The following MARK1 variants were observed in gnomAD, a reference collection of about 807,000 sequenced individuals.
The protein encoded by MARK1 is serine/threonine-protein kinase MARK1.
Under a neutral mutation model 96.3 loss-of-function variants are expected in MARK1, and 40 were observed. That is an observed-to-expected ratio of 0.42 (90% confidence interval 0.32 to 0.54). The LOEUF (loss-of-function observed/expected upper bound fraction) is 0.54. Among genes scored for constraint, MARK1 ranks in the 20% least tolerant of loss-of-function variants. The probability of loss-of-function intolerance (pLI) is 0.16; values close to 1 mark genes in which losing one functional copy is unlikely to be tolerated. For missense variants in MARK1, 719 were observed against 984.6 expected (o/e 0.73, Z 3.61); for synonymous variants, 317 against 341.2 (o/e 0.93, Z 0.78).
At chr1:220,661,738 T>C (rs190192269) in intron 17 of MARK1, 74 bp from the exon 18 acceptor site, 6 of 1,150,956 alleles carry the variant, frequency 5.2e-6, no homozygotes, top group Non-Finnish European at 3.7e-6. Context: ...ACCACTTAGA[T>C]TTTATGTGTG....
chr1:220,579,626 GC>G, intron 2 of MARK1, 69 bp downstream of exon 2: 1 of 1,277,814 alleles, frequency 7.8e-7, no homozygotes, highest in Non-Finnish European at 1.1e-6. Context: ...CTTCCTTATA[GC>G]CCATGTTTGG....
At chr1:220,657,621 T>C (rs1316404601) in intron 16 of MARK1, among the ~76,000 whole-genome samples, 169 bp from the exon 17 acceptor site, 2 of 152,190 alleles carry the variant, frequency 1.3e-5, no homozygotes, top group Non-Finnish European at 2.9e-5. Flanking sequence ...ATAAATTACA[T>C]GCGGTTATGG....
chr1:220,583,880 A>T (rs1030862791), intron 3 of MARK1, among the ~76,000 whole-genome samples: 6 of 131,438 alleles, frequency 4.6e-5, no homozygotes, highest in Admixed American at 2.8e-4. Flanking sequence ...GTTGGCCAGG[A>T]TGGTCTCGAT....
chr1:220,608,441 C>T (rs995772372), intron 6 of MARK1, among the ~76,000 whole-genome samples: 3 of 152,080 alleles, frequency 2.0e-5, no homozygotes, highest in African/African-American at 7.2e-5. Flanking sequence ...TGATTCTTCT[C>T]TCTTTTCTTC....
chr1:220,562,997 T>C (rs1662777180), intron 1 of MARK1, among the ~76,000 whole-genome samples: 1 of 152,178 alleles, frequency 6.6e-6, no homozygotes, highest in South Asian at 2.1e-4. Context: ...GTCCTCTTCC[T>C]GCATTTAAGT....
At chr1:220,534,840 A>G (rs2102692293) in intron 1 of MARK1, among the ~76,000 whole-genome samples, 1 of 152,262 alleles carries the variant, frequency 6.6e-6, no homozygotes, top group East Asian at 1.9e-4. Context: ...TCCATGTTAT[A>G]GCATATGACA....
In MARK1 at chr1:220,599,100, T is replaced by C. The variant is rs534009358; in HGVS notation, c.359-698T>C. Reference sequence around the variant, plus strand: ...CATAGGTTTACAGGCAAAATAACTTTGCGTTTTAAAGAAAATAAAAAGTTG... The same window carrying C: ...CATAGGTTTACAGGCAAAATAACTTCGCGTTTTAAAGAAAATAAAAAGTTG... On this transcript the variant is annotated intron_variant, in intron 4 of 17. Transcript: ENST00000366917. 1.2e-3 allele frequency among the ~76,000 whole-genome samples: 179 copies of C among 152,292 alleles called. 1 individual carries two copies. The highest frequency in any genetic ancestry group is 2.1e-3 in the Non-Finnish European group (145 of 68,006).
At chr1:220,632,812 A>G (rs896897181) in intron 11 of MARK1, among the ~76,000 whole-genome samples, 3 of 152,220 alleles carry the variant, frequency 2.0e-5, no homozygotes, top group African/African-American at 7.2e-5. Context: ...GAGAACTATA[A>G]TAAGGAGATG....
chr1:220,629,576 T>G (rs1572202542), intron 9 of MARK1, among the ~76,000 whole-genome samples: 2 of 152,274 alleles, frequency 1.3e-5, no homozygotes, highest in East Asian at 3.9e-4. Flanking sequence ...CTTGTGTGAC[T>G]AAAACTCTGT....
chr1:220,540,999 T>C (rs1481288677), intron 1 of MARK1, among the ~76,000 whole-genome samples: 2 of 152,026 alleles, frequency 1.3e-5, no homozygotes, highest in Non-Finnish European at 2.9e-5. Context: ...TGTGGTGCAA[T>C]CTCAGCTCAC....
At position 220,578,362 on chromosome 1, in the gene MARK1, G is replaced by T. The variant is rs73093542; in HGVS notation, c.52-992G>T. ...CTTGACCTGGGAATTTAGGTGTTGA[G>T]TCCATAGGTGAACAGGATCAGCTCT... On this transcript the variant is annotated intron_variant, in intron 1 of 17. Coordinates refer to ENST00000366917, the MANE Select transcript of MARK1 (RefSeq NM_018650.5). 3.6e-3 allele frequency among the ~76,000 whole-genome samples: 554 copies of T among 152,336 alleles called. 5 individuals are homozygous for T. The highest frequency in any genetic ancestry group is 0.013 in the African/African-American group (523 of 41,572).
intron 1 of MARK1, among the ~76,000 whole-genome samples, chr1:220,543,050 A>T (rs968842946): frequency 6.6e-6 from 1 of 152,204 alleles, no homozygotes; most frequent in Non-Finnish European, 1.5e-5. Flanking sequence ...TTTTGAAATC[A>T]TTTGTTACAA....
chr1:220,614,389 T>C (rs79939660), intron 6 of MARK1, among the ~76,000 whole-genome samples: 1,740 of 152,218 alleles, frequency 0.011, 26 homozygotes, highest in African/African-American at 0.04. Flanking sequence ...AATATTTCTG[T>C]CCTTCAAGGA....
chr1:220,541,873 C>T (rs1661172106), intron 1 of MARK1, among the ~76,000 whole-genome samples: 1 of 152,202 alleles, frequency 6.6e-6, no homozygotes, highest in Admixed American at 6.5e-5. Context: ...TTTAATCCAT[C>T]TTCATTTGGT....
chr1:220,642,188 G>T (rs1432883109), intron 13 of MARK1, among the ~76,000 whole-genome samples: 1 of 152,218 alleles, frequency 6.6e-6, no homozygotes, highest in Admixed American at 6.5e-5. Flanking sequence ...CCACTGACTT[G>T]GAATCCCCAC....
At chr1:220,531,046 T>C (rs541461621) in intron 1 of MARK1, among the ~76,000 whole-genome samples, 59 of 152,262 alleles carry the variant, frequency 3.9e-4, no homozygotes, top group Non-Finnish European at 5.1e-4. Context: ...AAACAAGTAA[T>C]GTATGGTAGA....
chr1:220,539,488 T>C (rs1387773865), intron 1 of MARK1, among the ~76,000 whole-genome samples: 1 of 152,192 alleles, frequency 6.6e-6, no homozygotes, highest in Non-Finnish European at 1.5e-5. Context: ...CTATTGAGGA[T>C]TTTTGCATCA....
At position 220,587,299 on chromosome 1, in the gene MARK1, T is replaced by TCCTC. The variant is rs1021842359; in HGVS notation, c.309+6194_309+6197dup. On this transcript the variant is annotated intron_variant, in intron 3 of 17. Transcript: ENST00000366917. ...TTCTTTCCTTCCTTCCTTCCTTCCT[T>TCCTC]CCTCCCTCCCTCCCTCTCTCTCTCT... Among the ~76,000 whole-genome samples the TCCTC allele has an allele frequency of 1.4e-3, 202 of 143,544 alleles. 3 individuals are homozygous for TCCTC. Among genetic ancestry groups the TCCTC allele is most frequent in the African/African-American group, 4.5e-3 (172 of 38,586 alleles). 94.2% of individuals were successfully genotyped at this position (143,544 alleles called of 152,430 possible).
chr1:220,573,360 G>C (rs1663603082), intron 1 of MARK1, among the ~76,000 whole-genome samples: 2 of 152,136 alleles, frequency 1.3e-5, no homozygotes, highest in Non-Finnish European at 2.9e-5. Flanking sequence ...GTCTCGCTTT[G>C]TCGCCCAGGC....
Sources: allele counts gnomAD v4.1 joint callset (sites outside exome capture counted in the v4.1 genomes callset), GRCh38; gene constraint gnomAD v4.1.1; transcripts MANE v1.5; gene names NCBI Gene and HGNC (gene_info 2026-07-23, HGNC 2026-07-21).